The following ATP10A variants were observed in gnomAD, a reference collection of about 807,000 sequenced individuals.
The protein encoded by ATP10A is phospholipid-transporting ATPase VA.
ATP10A carries 111 observed loss-of-function variants against 147.8 expected under a neutral mutation model. The observed-to-expected ratio is 0.75, with a 90% CI of 0.64 to 0.88. The LOEUF is 0.88. ATP10A is among the 40% of genes least tolerant of loss of function. The pLI is 0.00. For missense variants in ATP10A, 1,927 were observed against 1,959.0 expected, an observed-to-expected ratio of 0.98 and a Z score of 0.31; for synonymous variants, 875 against 841.6, an observed-to-expected ratio of 1.04 and a Z score of -0.69.
At chr15:25,804,076 GGTGTGTGTGTGTGT>G (rs5811398) in intron 1 of ATP10A, among the ~76,000 whole-genome samples, 1 of 144,204 alleles carries the variant, frequency 6.9e-6, no homozygotes, top group Non-Finnish European at 1.5e-5. Flanking sequence ...CTACGTGCAT[GGTGTGTGTGTGTGT>G]GTGTGTGTGG....
chr15:25,742,861 C>A (rs909312430), intron 2 of ATP10A, among the ~76,000 whole-genome samples: 1 of 152,224 alleles, frequency 6.6e-6, no homozygotes, highest in Non-Finnish European at 1.5e-5. Context: ...AACCCGCCTG[C>A]AGCCCCTCTG....
chr15:25,813,415 A>C (rs1326034640), intron 1 of ATP10A, among the ~76,000 whole-genome samples: 1 of 152,226 alleles, frequency 6.6e-6, no homozygotes, highest in Non-Finnish European at 1.5e-5. Context: ...TGCATCCTAG[A>C]ACAAAGCTCA....
intron 1 of ATP10A, among the ~76,000 whole-genome samples, chr15:25,805,429 C>T (rs550161556): frequency 1.4e-4 from 22 of 152,284 alleles, no homozygotes; most frequent in Non-Finnish European, 2.6e-4. Context: ...ATGTATGTAC[C>T]CACTCACTGC....
At chr15:25,705,461 A>AC (rs1900932326) in intron 12 of ATP10A, among the ~76,000 whole-genome samples, 2 of 2,704 alleles carry the variant, frequency 7.4e-4, no homozygotes, top group South Asian at 0.05. Context: ...AAACAAAAAA[A>AC]AAAAACAAAA....
intron 1 of ATP10A, among the ~76,000 whole-genome samples, chr15:25,814,027 T>G (rs1891544420): frequency 6.6e-6 from 1 of 151,910 alleles, no homozygotes; most frequent in African/African-American, 2.4e-5. Context: ...AGCCACAGAT[T>G]CAAAACACTC....
At chr15:25,851,643 G>A (rs1003567400) in intron 1 of ATP10A, among the ~76,000 whole-genome samples, 1 of 152,092 alleles carries the variant, frequency 6.6e-6, no homozygotes. Context: ...ATCCTTAGTG[G>A]TCCTCAAAAT....
At chr15:25,723,868 T>G in intron 6 of ATP10A, 23 bp downstream of exon 6, 1 of 1,531,124 alleles carries the variant, frequency 6.5e-7, no homozygotes, top group Non-Finnish European at 8.8e-7. Context: ...AAGCAATTAT[T>G]GTACGATACT....
chr15:25,863,594 T>A (rs948037228), upstream of ATP10A: 1 of 152,378 alleles, frequency 6.6e-6, no homozygotes, highest in African/African-American at 2.4e-5. Context: ...GGCGCCCCCG[T>A]CCCCAAGCAG....
intron 2 of ATP10A, among the ~76,000 whole-genome samples, chr15:25,778,472 T>A (rs575526503): frequency 2.0e-5 from 3 of 149,170 alleles, no homozygotes; most frequent in South Asian, 4.3e-4. Context: ...ACCAAAAAAA[T>A]GTCTTTGGAC....
intron 1 of ATP10A, among the ~76,000 whole-genome samples, chr15:25,835,373 A>G (rs1040473658): frequency 1.3e-5 from 2 of 152,212 alleles, no homozygotes; most frequent in Non-Finnish European, 2.9e-5. Flanking sequence ...ACTGAATTGT[A>G]TACTTTAACT....
chr15:25,701,817 T>C (rs1900678602), intron 13 of ATP10A, 99 bp downstream of exon 13: 2 of 1,229,994 alleles, frequency 1.6e-6, no homozygotes, highest in Admixed American at 4.7e-5. Flanking sequence ...GAGGTCCTTC[T>C]AACAGCAGCT....
intron 1 of ATP10A, among the ~76,000 whole-genome samples, chr15:25,807,740 T>A (rs1340782453): frequency 7.9e-5 from 12 of 151,802 alleles, no homozygotes; most frequent in Admixed American, 2.6e-4. Context: ...AGGCAGAGGT[T>A]GCAGTGAGCT....
intron 2 of ATP10A, among the ~76,000 whole-genome samples, chr15:25,761,616 T>C (rs1421812210): frequency 1.3e-5 from 2 of 152,228 alleles, no homozygotes; most frequent in Non-Finnish European, 2.9e-5. Flanking sequence ...ATGTGAGACA[T>C]GGAGTCAAAG....
At chr15:25,721,595 AT>A in intron 7 of ATP10A, 61 bp downstream of exon 7, 1 of 1,535,622 alleles carries the variant, frequency 6.5e-7, no homozygotes, top group Non-Finnish European at 8.8e-7. Flanking sequence ...TCTCCAAACA[AT>A]TCTGGATAGG....
intron 14 of ATP10A, 127 bp from the exon 15 acceptor site, chr15:25,691,918 G>A (rs1900059514): frequency 1.9e-6 from 2 of 1,053,932 alleles, no homozygotes; most frequent in South Asian, 2.7e-5. Flanking sequence ...GGGAAGATGG[G>A]GGAAAAAGGA....
intron 2 of ATP10A, among the ~76,000 whole-genome samples, chr15:25,776,991 A>C (rs1889638142): frequency 6.6e-6 from 1 of 151,944 alleles, no homozygotes; most frequent in Non-Finnish European, 1.5e-5. Flanking sequence ...ACTGCTCCAT[A>C]CTGGGCATCA....
intron 1 of ATP10A, among the ~76,000 whole-genome samples, chr15:25,790,063 C>G (rs547861581): frequency 1.3e-5 from 2 of 152,166 alleles, no homozygotes; most frequent in Non-Finnish European, 2.9e-5. Context: ...ACAGCAATGG[C>G]AAAATCCGCA....
chr15:25,801,807 A>C (rs1890951956), intron 1 of ATP10A, among the ~76,000 whole-genome samples: 1 of 152,098 alleles, frequency 6.6e-6, no homozygotes, highest in African/African-American at 2.4e-5. Context: ...TCTGAACCCC[A>C]ATGGATGTAT....
intron 2 of ATP10A, among the ~76,000 whole-genome samples, chr15:25,774,727 C>A (rs1596861798): frequency 6.6e-6 from 1 of 152,088 alleles, no homozygotes; most frequent in South Asian, 2.1e-4. Context: ...CTTATATTGC[C>A]ATGAAATAAA....
Sources: allele counts gnomAD v4.1 joint callset (sites outside exome capture counted in the v4.1 genomes callset), GRCh38; gene constraint gnomAD v4.1.1; transcripts MANE v1.5; gene names NCBI Gene and HGNC (gene_info 2026-07-23, HGNC 2026-07-21).